The following FOXI3 variants were observed in gnomAD, a reference collection of about 807,000 sequenced individuals.
FOXI3 encodes the protein forkhead box protein I3.
A neutral mutation model predicts 15.6 loss-of-function variants in FOXI3; 4 were observed. That is an observed-to-expected ratio of 0.26 (90% confidence interval 0.13 to 0.59). FOXI3 has a LOEUF of 0.59. Ranked by LOEUF, FOXI3 falls within the 20% of genes least tolerant of loss-of-function variation. The pLI is 0.90. For synonymous variants in FOXI3, 238 were observed against 244.4 expected (o/e 0.97, Z 0.25); for missense variants, 489 against 548.2 (o/e 0.89, Z 1.08).
chr2:88,451,605 G>A (rs1239280263), intron 1 of FOXI3, among the ~76,000 whole-genome samples: 5 of 152,212 alleles, frequency 3.3e-5, no homozygotes, highest in Non-Finnish European at 2.9e-5. Context: ...CACCACCCAG[G>A]GGTAGCCTTC....
intron 1 of FOXI3, among the ~76,000 whole-genome samples, chr2:88,451,365 A>C (rs559061182): frequency 1.3e-5 from 2 of 152,294 alleles, no homozygotes; most frequent in East Asian, 3.9e-4. Flanking sequence ...TGCCCGTGCC[A>C]CTATCTCTAG....
At chr2:88,451,521 C>T (rs769016992) in intron 1 of FOXI3, among the ~76,000 whole-genome samples, 2 of 152,200 alleles carry the variant, frequency 1.3e-5, no homozygotes, top group Non-Finnish European at 2.9e-5. Flanking sequence ...CCAGCTCACA[C>T]GGATCCCTTT....
Position 88,450,887 on chromosome 2 carries a change from T to C in FOXI3, c.640+1009A>G, listed in dbSNP as rs144151429. Among the ~76,000 whole-genome samples the C allele has an allele frequency of 2.6e-3, 402 of 152,346 alleles. 2 individuals are homozygous for C. The highest frequency in any genetic ancestry group is 4.7e-3 in the Non-Finnish European group (322 of 68,028). On this transcript the variant is annotated intron_variant, in intron 1 of 1. Transcript: ENST00000428390. ...TAGTAATTTTAATATTTGTTATATGTTGAAACAATATTTTGGATTATTTAG... is the reference window on the plus strand; with the variant it reads ...TAGTAATTTTAATATTTGTTATATGCTGAAACAATATTTTGGATTATTTAG...
intron 1 of FOXI3, among the ~76,000 whole-genome samples, chr2:88,450,286 C>T (rs1048025781): frequency 6.6e-6 from 1 of 152,018 alleles, no homozygotes; most frequent in Non-Finnish European, 1.5e-5. Flanking sequence ...ACAAATTAGC[C>T]GGGCACTGTG....
Position 88,452,428 on chromosome 2 carries a change from A to G in FOXI3, c.108T>C (p.Pro36=). The G allele has an allele frequency of 9.8e-7, 1 of 1,019,000 alleles. No individual in the cohort carries two copies. The allele number at this position is 1,019,000 out of a possible 1,614,324, so 63.1% of individuals were successfully genotyped here. ...APGAPPAARA[P]YGLADYAAPP... ...GCGCGGCGTAGTCGGCCAGCCCGTAAGGCGCCCTGGCTGCCGGGGGGGCGC... is the reference window on the plus strand; with the variant it reads ...GCGCGGCGTAGTCGGCCAGCCCGTAGGGCGCCCTGGCTGCCGGGGGGGCGC... Residue 36 remains proline (P), a synonymous_variant, in exon 1 of 2, where the codon CCT becomes CCC. Transcript: ENST00000428390.
At chr2:88,451,822 A>G in intron 1 of FOXI3, 74 bp downstream of exon 1, 5 of 1,549,382 alleles carry the variant, frequency 3.2e-6, no homozygotes, top group East Asian at 4.9e-5. Context: ...CCAGCCGCAC[A>G]CCGACCCCTG....
chr2:88,448,439 C>T lies in FOXI3; in HGVS notation c.1031G>A (p.Gly344Glu), dbSNP rs868321461. 13 of 1,551,466 alleles carry T rather than the reference C, an allele frequency of 8.4e-6. No individual in the cohort carries two copies. The African/African-American group carries it at 1.6e-4, about 20-fold the overall frequency. The change falls in exon 2 of 2, where the codon GGG (glycine) becomes GAG (glutamate). Residue 344 changes from glycine (G) to glutamate (E), a missense_variant. Transcript: ENST00000428390. ...LPGSRHLGIQ[G>E]AQLPSSGVFS... Reference sequence around the variant, plus strand: ...CACGCCGCTGGAGGGCAGCTGGGCCCCCTGGATCCCTAGGTGGCGGCTGCC... The same window carrying T: ...CACGCCGCTGGAGGGCAGCTGGGCCTCCTGGATCCCTAGGTGGCGGCTGCC...
chr2:88,449,638 T>G (rs530260313), intron 1 of FOXI3, among the ~76,000 whole-genome samples: 1 of 152,214 alleles, frequency 6.6e-6, no homozygotes, highest in Non-Finnish European at 1.5e-5. Context: ...CTGCATGTAA[T>G]GCTAGTTTTG....
Position 88,452,037 on chromosome 2 carries a change from T to A in FOXI3, c.499A>T (p.Thr167Ser). 1 of 1,600,430 alleles carries A rather than the reference T, an allele frequency of 6.2e-7. No homozygotes were observed. The highest frequency in any genetic ancestry group is 8.5e-7 in the Non-Finnish European group (1 of 1,173,764). Residue 167 changes from threonine to serine, a missense_variant, in exon 1 of 2, where the codon ACT (threonine) becomes TCT (serine). Thr to Ser is a moderately conservative substitution (Grantham distance 58). Coordinates refer to ENST00000428390, the MANE Select transcript of FOXI3 (RefSeq NM_001135649.3). Reference protein sequence around the residue: ...AIQSAPERKLTLSHIYQFVAD... With the variant: ...AIQSAPERKLSLSHIYQFVAD... ...ACGAACTGGTAGATGTGGCTGAGAG[T>A]GAGTTTGCGCTCGGGCGCGCTCTGA...
rs1573324599 is a variant in FOXI3 at position 88,448,125 on chromosome 2, C to G, written c.*82G>C. On this transcript the variant is annotated 3_prime_UTR_variant, in exon 2 of 2. Coordinates refer to ENST00000428390, the MANE Select transcript of FOXI3 (RefSeq NM_001135649.3). ...GAAACGCAGAACTCAGGTCCTACCC[C>G]AGACCTACTGACTTGGAATCTGCAT... The G allele has an allele frequency of 2.3e-6, 3 of 1,299,246 alleles. No homozygotes were observed. The highest frequency in any genetic ancestry group is 3.2e-6 in the Non-Finnish European group (3 of 946,090). The allele number at this position is 1,299,246 out of a possible 1,614,324, so 80.5% of individuals were successfully genotyped here.
At position 88,448,135 on chromosome 2, in the gene FOXI3, G is replaced by C; in HGVS notation, c.*72C>G. On this transcript the variant is annotated 3_prime_UTR_variant, in exon 2 of 2. Transcript: ENST00000428390. ...ACTCAGGTCCTACCCCAGACCTACT[G>C]ACTTGGAATCTGCATTCTAATCAGC... 1 of 1,382,118 alleles carries C rather than the reference G, an allele frequency of 7.2e-7. No individual in the cohort carries two copies. Among genetic ancestry groups the C allele is most frequent in the Non-Finnish European group, 9.8e-7 (1 of 1,016,732 alleles). 85.6% of individuals were successfully genotyped at this position (1,382,118 alleles called of 1,614,324 possible).
chr2:88,448,098 C>T lies in FOXI3; in HGVS notation c.*109G>A. 1.0e-6 allele frequency: 1 copy of T among 996,424 alleles called. No individual in the cohort carries two copies. The highest frequency in any genetic ancestry group is 1.6e-5 in the South Asian group (1 of 61,704). The allele number at this position is 996,424 out of a possible 1,614,324, so 61.7% of individuals were successfully genotyped here. ...ACCACGAGATCACCCAGGAACTCGA[C>T]AGAAACGCAGAACTCAGGTCCTACC... is the stretch of plus-strand genomic sequence containing the variant. On this transcript the variant is annotated 3_prime_UTR_variant, in exon 2 of 2. Transcript: ENST00000428390.
Position 88,452,129 on chromosome 2 carries a change from C to T in FOXI3, c.407G>A (p.Ser136Asn), listed in dbSNP as rs1243153107. Residue 136 changes from serine (S) to asparagine (N), a missense_variant, in exon 1 of 2, where the codon AGC becomes AAC. Around this residue, in one of 3 missense-constraint regions of FOXI3, gnomAD observed 224 missense variants for 245.7 expected, o/e 0.91. Transcript: ENST00000428390. ...CACCATCTTCATCAGGTCCTCGCGGCTGGCCATGGACAGCCAGCCCAGCTC... is the reference window on the plus strand; with the variant it reads ...CACCATCTTCATCAGGTCCTCGCGGTTGGCCATGGACAGCCAGCCCAGCTC... Reference protein sequence around the residue: ...PGELGWLSMASREDLMKMVRP... With the variant: ...PGELGWLSMANREDLMKMVRP... 3.9e-5 allele frequency: 60 copies of T among 1,549,280 alleles called. No individual in the cohort carries two copies. The highest frequency in any genetic ancestry group is 4.8e-5 in the Non-Finnish European group (55 of 1,146,656).
In FOXI3 at chr2:88,452,385, T is replaced by TGGC. The variant is rs1243033940; in HGVS notation, c.148_150dup (p.Ala50dup). The TGGC allele has an allele frequency of 3.4e-5, 34 of 986,046 alleles. No homozygotes were observed. Among genetic ancestry groups the TGGC allele is most frequent in the Non-Finnish European group, 3.8e-5 (32 of 833,672 alleles). 61.1% of individuals were successfully genotyped at this position (986,046 alleles called of 1,614,324 possible). ...GGCCCGTTGAGCCACAGGTAGGGGT[T>TGGC]GGCGGCGGCGGCCGGCGGCGCGGCG... On this transcript the variant is annotated inframe_insertion, in exon 1 of 2. Transcript: ENST00000428390.
Position 88,448,794 on chromosome 2 carries a change from C to T in FOXI3, c.676G>A (p.Glu226Lys), listed in dbSNP as rs542613834. Residue 226 changes from glutamate (E) to lysine (K), a missense_variant, in exon 2 of 2, where the codon GAG (glutamate) becomes AAG (lysine). This residue lies in a region of FOXI3 where 263 missense variants were observed against 285.5 expected (regional missense o/e 0.92). Transcript: ENST00000428390. ...GNYWTLDPNC[E>K]KMFDNGNFRR... Reference sequence around the variant, plus strand: ...AAGTTCCCATTGTCAAACATTTTCTCGCAGTTCGGATCAAGAGTCCAATAA... The same window carrying T: ...AAGTTCCCATTGTCAAACATTTTCTTGCAGTTCGGATCAAGAGTCCAATAA... 51 of 1,551,678 alleles carry T rather than the reference C, an allele frequency of 3.3e-5. 1 individual carries two copies. In the South Asian group the frequency reaches 5.1e-4, roughly 16 times the overall value.
At chr2:88,451,086 T>C (rs1311759806) in intron 1 of FOXI3, among the ~76,000 whole-genome samples, 1 of 152,114 alleles carries the variant, frequency 6.6e-6, no homozygotes, top group Non-Finnish European at 1.5e-5. Flanking sequence ...TTTCCTTTCC[T>C]TGTTCTGGGT....
chr2:88,450,883 T>C (rs1434054338), intron 1 of FOXI3, among the ~76,000 whole-genome samples: 1 of 152,252 alleles, frequency 6.6e-6, no homozygotes, highest in Non-Finnish European at 1.5e-5. Context: ...ATATTTGTTA[T>C]ATGTTGAAAC....
At position 88,447,932 on chromosome 2, in the gene FOXI3, G is replaced by T. The variant is rs1031425188; in HGVS notation, c.*275C>A. The T allele has an allele frequency of 1.0e-4, 51 of 502,882 alleles. No homozygotes were observed. Among genetic ancestry groups the T allele is most frequent in the Admixed American group, 2.3e-4 (7 of 31,040 alleles). The allele number at this position is 502,882 out of a possible 1,614,324, so 31.2% of individuals were successfully genotyped here. A position where few individuals can be genotyped will look rare whatever the true frequency, so the allele number is the denominator to read the frequency against. On this transcript the variant is annotated 3_prime_UTR_variant, in exon 2 of 2. Coordinates refer to ENST00000428390, the MANE Select transcript of FOXI3 (RefSeq NM_001135649.3). The stretch of plus-strand genomic sequence containing the variant: ...TAGACATGGTCCCCGCCCTCACGGG[G>T]CTCACAGGCTACCTATCACAGAAGA...
rs1429310371 is a variant in FOXI3 at position 88,448,388 on chromosome 2, G to A, written c.1082C>T (p.Ala361Val). Residue 361 changes from alanine to valine, a missense_variant, in exon 2 of 2, where the codon GCC becomes GTC. By Grantham distance (64) the Ala-to-Val change is moderately conservative. Transcript: ENST00000428390. ...GVFSPTSISE[A>V]SADTLQLSNS... The stretch of plus-strand genomic sequence containing the variant: ...GCTCAGTTGCAAGGTGTCTGCTGAG[G>A]CCTCTGAGATGGAGGTCGGGGAGAA... 6.4e-7 allele frequency: 1 copy of A among 1,551,694 alleles called. No individual in the cohort carries two copies. The highest frequency in any genetic ancestry group is 2.4e-5 in the East Asian group (1 of 40,920).
Sources: allele counts gnomAD v4.1 joint callset (sites outside exome capture counted in the v4.1 genomes callset), GRCh38; gene constraint gnomAD v4.1.1; regional missense constraint gnomAD v4.1.1; transcripts MANE v1.5; gene names NCBI Gene and HGNC (gene_info 2026-07-23, HGNC 2026-07-21).